Variants in SPON1 observed in about 807,000 individuals in gnomAD.
SPON1 encodes the protein spondin 1.
In SPON1, 52 loss-of-function variants were observed where a neutral mutation model predicts 111.7. The observed-to-expected ratio is 0.47, with a 90% CI of 0.37 to 0.59. The LOEUF (loss-of-function observed/expected upper bound fraction) is 0.59. Ranked by LOEUF, SPON1 falls within the 20% of genes least tolerant of loss-of-function variation. The pLI is 0.00. For missense variants in SPON1, 957 were observed against 1,068.5 expected (o/e 0.90, Z 1.46); for synonymous variants, 410 against 395.8 (o/e 1.04, Z -0.43).
chr11:14,021,523 A>G (rs1848481426), intron 2 of SPON1, among the ~76,000 whole-genome samples: 1 of 152,146 alleles, frequency 6.6e-6, no homozygotes, highest in Non-Finnish European at 1.5e-5. Context: ...ACAAGCCCCA[A>G]AGCACCAGGA....
Position 14,014,012 on chromosome 11 carries a change from G to T in SPON1, c.346-27509G>T, listed in dbSNP as rs972861220. ...TAAACATAGTAATCAGAGAAGCCTGGTTCTTCTGAAGCTTCTGACTGTCAT... is the reference window on the plus strand; with the variant it reads ...TAAACATAGTAATCAGAGAAGCCTGTTTCTTCTGAAGCTTCTGACTGTCAT... On this transcript the variant is annotated intron_variant, in intron 2 of 15. Coordinates refer to ENST00000576479, the MANE Select transcript of SPON1 (RefSeq NM_006108.4). 2.6e-5 allele frequency among the ~76,000 whole-genome samples: 4 copies of T among 152,148 alleles called. No individual in the cohort carries two copies. In the South Asian group the frequency reaches 8.3e-4, roughly 32 times the overall value.
At chr11:13,963,778 C>A (rs1034913694) in intron 1 of SPON1, among the ~76,000 whole-genome samples, 4 of 152,232 alleles carry the variant, frequency 2.6e-5, no homozygotes, top group African/African-American at 9.6e-5. Context: ...CTCGTGGTCC[C>A]AGACGAGATA....
At chr11:14,139,262 C>A (rs1034633058) in intron 6 of SPON1, among the ~76,000 whole-genome samples, 17 of 152,234 alleles carry the variant, frequency 1.1e-4, no homozygotes, top group African/African-American at 4.1e-4. Flanking sequence ...CATCTTCCAG[C>A]AGCCTTCTAA....
chr11:14,259,719 T>C lies in SPON1; in HGVS notation c.1831+18T>C, dbSNP rs868974288. Reference sequence around the variant, plus strand: ...AGAGTGCCGTGAGTGAGAGCGGGGGTGGACTTGGAGGAGGCCACTGGGGAC... The same window carrying C: ...AGAGTGCCGTGAGTGAGAGCGGGGGCGGACTTGGAGGAGGCCACTGGGGAC... On this transcript the variant is annotated intron_variant, in intron 13 of 15. Transcript: ENST00000576479. The surrounding 1 kb of genome is among the most constrained non-coding windows in gnomAD (Gnocchi z 5.0). 5 of 1,562,208 alleles carry C rather than the reference T, an allele frequency of 3.2e-6. 1 individual carries two copies. In the Middle Eastern group the frequency reaches 5.0e-4, roughly 157 times the overall value.
At chr11:14,224,360 C>G (rs1246644106) in intron 6 of SPON1, among the ~76,000 whole-genome samples, 2 of 152,088 alleles carry the variant, frequency 1.3e-5, no homozygotes, top group East Asian at 1.9e-4. Context: ...ACTGCATTCT[C>G]AAGGACAAGT....
chr11:14,063,821 G>A (rs1443275201), intron 3 of SPON1, among the ~76,000 whole-genome samples: 1 of 152,214 alleles, frequency 6.6e-6, no homozygotes. Flanking sequence ...TTTGAGTTCA[G>A]CCTCCGTGGT....
Position 14,265,960 on chromosome 11 carries a change from C to T in SPON1, c.*273C>T, listed in dbSNP as rs985882632. 3.6e-5 allele frequency: 11 copies of T among 305,842 alleles called. No homozygotes were observed. Among genetic ancestry groups the T allele is most frequent in the Admixed American group, 9.1e-5 (2 of 22,094 alleles). The allele number at this position is 305,842 out of a possible 1,614,324, so 18.9% of individuals were successfully genotyped here. A position where few individuals can be genotyped will look rare whatever the true frequency, so the allele number is the denominator to read the frequency against. On this transcript the variant is annotated 3_prime_UTR_variant, in exon 16 of 16. Transcript: ENST00000576479. ...TAAGCTGAAACATGTCCCTCTGGAG[C>T]TTCCACCTGGCCAGGGAGGACGGAG...
intron 6 of SPON1, among the ~76,000 whole-genome samples, chr11:14,156,331 T>A (rs1326821531): frequency 7.4e-6 from 1 of 134,586 alleles, no homozygotes; most frequent in Non-Finnish European, 1.7e-5. Flanking sequence ...GCCCACTTGT[T>A]GATGGGGTTG....
intron 3 of SPON1, among the ~76,000 whole-genome samples, chr11:14,058,579 G>A (rs1420221564): frequency 1.3e-5 from 2 of 152,162 alleles, no homozygotes; most frequent in Non-Finnish European, 2.9e-5. Context: ...CTGCAAGCAG[G>A]TGGAGCAAGG....
At chr11:14,167,549 C>T (rs929554796) in intron 6 of SPON1, among the ~76,000 whole-genome samples, 4 of 151,906 alleles carry the variant, frequency 2.6e-5, no homozygotes, top group African/African-American at 9.7e-5. Flanking sequence ...ACTTAAAAAT[C>T]GTCTTCAAAA....
intron 5 of SPON1, among the ~76,000 whole-genome samples, chr11:14,101,984 A>G (rs907859820): frequency 6.6e-6 from 1 of 152,188 alleles, no homozygotes; most frequent in Admixed American, 6.5e-5. Flanking sequence ...CACCATATAG[A>G]TACATATTAT....
intron 7 of SPON1, 86 bp from the exon 8 acceptor site, chr11:14,254,442 A>G: frequency 1.6e-6 from 2 of 1,228,026 alleles, no homozygotes; most frequent in East Asian, 2.5e-5. Flanking sequence ...TGTCCCTCTC[A>G]TTCTTCATAA....
chr11:13,974,705 A>G (rs1300460767), intron 1 of SPON1, among the ~76,000 whole-genome samples: 9 of 152,160 alleles, frequency 5.9e-5, no homozygotes, highest in Admixed American at 5.9e-4. Context: ...ATAATTACAC[A>G]ACCTCCAGCC....
intron 6 of SPON1, among the ~76,000 whole-genome samples, chr11:14,232,224 G>A (rs190447671): frequency 9.3e-5 from 14 of 151,286 alleles, no homozygotes; most frequent in Middle Eastern, 3.4e-3. Flanking sequence ...CACCCTTCCC[G>A]GCTATATTTT....
chr11:14,086,834 G>C (rs1444268710), intron 5 of SPON1, among the ~76,000 whole-genome samples: 2 of 152,030 alleles, frequency 1.3e-5, no homozygotes, highest in Non-Finnish European at 2.9e-5. Context: ...ACTTGTTATT[G>C]GTCTATTCAG....
intron 2 of SPON1, among the ~76,000 whole-genome samples, chr11:13,989,246 G>A (rs1402595517): frequency 6.6e-6 from 1 of 152,122 alleles, no homozygotes; most frequent in African/African-American, 2.4e-5. Context: ...GGTTTATTCA[G>A]GGATTCAGCT....
At chr11:13,980,589 A>G (rs74811236) in intron 1 of SPON1, among the ~76,000 whole-genome samples, 13,642 of 151,868 alleles carry the variant, frequency 0.09, 743 homozygotes, top group South Asian at 0.18. Flanking sequence ...CATGTGCACA[A>G]CGTGCAGGTT....
At chr11:14,026,847 TCTC>T (rs1345208615) in intron 2 of SPON1, among the ~76,000 whole-genome samples, 2 of 152,204 alleles carry the variant, frequency 1.3e-5, no homozygotes, top group Non-Finnish European at 2.9e-5. Flanking sequence ...CCCCAACTTG[TCTC>T]CTCCTCTCTC....
At chr11:14,221,736 A>G (rs1409829556) in intron 6 of SPON1, among the ~76,000 whole-genome samples, 1 of 151,866 alleles carries the variant, frequency 6.6e-6, no homozygotes, top group Non-Finnish European at 1.5e-5. Context: ...CCCCATCTTC[A>G]CAAGCGAAGG....
Sources: allele counts gnomAD v4.1 joint callset (sites outside exome capture counted in the v4.1 genomes callset), GRCh38; gene constraint gnomAD v4.1.1; non-coding constraint Gnocchi (gnomAD v3.1); transcripts MANE v1.5; gene names NCBI Gene and HGNC (gene_info 2026-07-23, HGNC 2026-07-21).